The following CNTNAP2 variants were observed in gnomAD, a reference collection of about 807,000 sequenced individuals.
The protein encoded by CNTNAP2 is contactin-associated protein-like 2.
A neutral mutation model predicts 155.2 loss-of-function variants in CNTNAP2; 98 were observed. The ratio of observed to expected loss-of-function variants is 0.63; its 90% CI spans 0.54 to 0.75. The LOEUF (loss-of-function observed/expected upper bound fraction) is 0.75. Among genes scored for constraint, CNTNAP2 ranks in the 30% least tolerant of loss-of-function variants. The probability of loss-of-function intolerance (pLI) is 0.00; values close to 1 mark genes in which losing one functional copy is unlikely to be tolerated. For missense variants in CNTNAP2, 1,727 were observed against 1,688.1 expected, an observed-to-expected ratio of 1.02 and a Z score of -0.40; for synonymous variants, 651 against 631.2, an observed-to-expected ratio of 1.03 and a Z score of -0.47.
chr7:148,343,660 A>G (rs1486264549), intron 21 of CNTNAP2, among the ~76,000 whole-genome samples: 1 of 152,254 alleles, frequency 6.6e-6, no homozygotes, highest in Non-Finnish European at 1.5e-5. Context: ...AAACAGAGAC[A>G]AGAAAATGTC....
chr7:146,482,744 A>C (rs1796982682), intron 1 of CNTNAP2, among the ~76,000 whole-genome samples: 1 of 151,982 alleles, frequency 6.6e-6, no homozygotes, highest in Non-Finnish European at 1.5e-5. Flanking sequence ...TGTCTCAAAA[A>C]AAAAAAATTG....
At chr7:146,642,231 A>G (rs992286139) in intron 1 of CNTNAP2, among the ~76,000 whole-genome samples, 2 of 151,780 alleles carry the variant, frequency 1.3e-5, no homozygotes, top group African/African-American at 4.8e-5. Flanking sequence ...ATATGTATAC[A>G]TGTGCCATGC....
chr7:147,418,083 G>A (rs1228491221), intron 10 of CNTNAP2, among the ~76,000 whole-genome samples: 1 of 152,090 alleles, frequency 6.6e-6, no homozygotes, highest in Non-Finnish European at 1.5e-5. Context: ...ACAATTATAT[G>A]CCAATACCCA....
chr7:146,456,324 C>A (rs1450664845), intron 1 of CNTNAP2, among the ~76,000 whole-genome samples: 1 of 152,056 alleles, frequency 6.6e-6, no homozygotes, highest in East Asian at 1.9e-4. Flanking sequence ...CAAATCACAA[C>A]AAGATTTCCG....
intron 18 of CNTNAP2, among the ~76,000 whole-genome samples, chr7:148,178,783 G>A (rs1794987378): frequency 6.6e-6 from 1 of 152,198 alleles, no homozygotes. Context: ...CTGGCACACA[G>A]CAGTCCAACA....
intron 10 of CNTNAP2, among the ~76,000 whole-genome samples, chr7:147,476,928 TTAA>T (rs34230928): frequency 0.72 from 98,659 of 137,402 alleles, 35,569 homozygotes; most frequent in Admixed American, 0.78. Flanking sequence ...ACTCTGTCAT[TTAA>T]AAAAAAAAAA....
intron 12 of CNTNAP2, among the ~76,000 whole-genome samples, chr7:147,621,469 A>T (rs537068472): frequency 7.8e-4 from 118 of 152,084 alleles, no homozygotes; most frequent in African/African-American, 2.6e-3. Context: ...AATAGAAACA[A>T]CAAAAAGTTA....
chr7:148,073,121 A>C (rs1317176650), intron 15 of CNTNAP2, among the ~76,000 whole-genome samples: 4 of 152,204 alleles, frequency 2.6e-5, no homozygotes, highest in Admixed American at 1.3e-4. Context: ...ACATTGACAA[A>C]TGACCTTTGG....
chr7:147,236,098 G>A (rs576179305), intron 8 of CNTNAP2, among the ~76,000 whole-genome samples: 227 of 152,150 alleles, frequency 1.5e-3, no homozygotes, highest in African/African-American at 4.9e-3. Flanking sequence ...GCAATTTCTT[G>A]TCACTACTGC....
intron 1 of CNTNAP2, among the ~76,000 whole-genome samples, chr7:146,666,097 C>A (rs1418347242): frequency 6.6e-6 from 1 of 152,044 alleles, no homozygotes; most frequent in African/African-American, 2.4e-5. Flanking sequence ...TTATTCTTCT[C>A]ATCTAGCAGT....
At chr7:147,912,519 C>A (rs889643640) in intron 14 of CNTNAP2, among the ~76,000 whole-genome samples, 10 of 152,150 alleles carry the variant, frequency 6.6e-5, no homozygotes. Context: ...GCAGTGGAAA[C>A]GAAGCTATGG....
At chr7:146,857,976 C>A (rs185294776) in intron 3 of CNTNAP2, among the ~76,000 whole-genome samples, 2 of 152,140 alleles carry the variant, frequency 1.3e-5, no homozygotes, top group African/African-American at 4.8e-5. Flanking sequence ...CTCAAAAGCA[C>A]CAACAAGTCA....
At chr7:147,036,666 A>G (rs1799156176) in intron 3 of CNTNAP2, among the ~76,000 whole-genome samples, 2 of 152,312 alleles carry the variant, frequency 1.3e-5, no homozygotes, top group African/African-American at 2.4e-5. Context: ...TATTCTTTCA[A>G]TGATAAATTT....
intron 13 of CNTNAP2, among the ~76,000 whole-genome samples, chr7:147,879,622 C>A (rs898923397): frequency 1.3e-5 from 2 of 152,042 alleles, no homozygotes; most frequent in African/African-American, 2.4e-5. Flanking sequence ...GCACTGTAAT[C>A]AAAAGACTGA....
chr7:146,649,945 A>G (rs1332316699), intron 1 of CNTNAP2, among the ~76,000 whole-genome samples: 1 of 152,198 alleles, frequency 6.6e-6, no homozygotes, highest in Non-Finnish European at 1.5e-5. Flanking sequence ...GAGAAATGCA[A>G]ATCAAAACCA....
At chr7:148,276,756 T>C (rs943654674) in intron 21 of CNTNAP2, among the ~76,000 whole-genome samples, 2 of 152,262 alleles carry the variant, frequency 1.3e-5, no homozygotes, top group Admixed American at 6.5e-5. Context: ...TTTAGCCAGA[T>C]AATACCATCT....
intron 3 of CNTNAP2, among the ~76,000 whole-genome samples, chr7:146,912,112 T>A (rs1176075244): frequency 6.6e-6 from 1 of 151,036 alleles, no homozygotes; most frequent in Non-Finnish European, 1.5e-5. Flanking sequence ...AATGTTTGAT[T>A]TTAATGAGTC....
intron 13 of CNTNAP2, among the ~76,000 whole-genome samples, chr7:147,704,770 C>T (rs1436887819): frequency 1.3e-5 from 2 of 152,150 alleles, no homozygotes; most frequent in Non-Finnish European, 2.9e-5. Flanking sequence ...ATTATTGGTT[C>T]GTTCAGGCTT....
chr7:147,404,671 G>A (rs1205440839), intron 10 of CNTNAP2, among the ~76,000 whole-genome samples: 1 of 152,134 alleles, frequency 6.6e-6, no homozygotes, highest in Non-Finnish European at 1.5e-5. Context: ...GCTAACTCCA[G>A]TCTTTCATTT....
Sources: allele counts gnomAD v4.1 joint callset (sites outside exome capture counted in the v4.1 genomes callset), GRCh38; gene constraint gnomAD v4.1.1; transcripts MANE v1.5; gene names NCBI Gene and HGNC (gene_info 2026-07-23, HGNC 2026-07-21).